The following ZFAND3 variants were observed in gnomAD, a reference collection of about 807,000 sequenced individuals.
ZFAND3 encodes the protein AN1-type zinc finger protein 3.
Under a neutral mutation model 29.6 loss-of-function variants are expected in ZFAND3, and 10 were observed. The observed-to-expected ratio is 0.34, with a 90% CI of 0.21 to 0.57. The LOEUF (loss-of-function observed/expected upper bound fraction) is 0.57. Among genes scored for constraint, ZFAND3 ranks in the 20% least tolerant of loss-of-function variants. ZFAND3 has a pLI of 0.86. For missense variants in ZFAND3, 230 were observed against 304.5 expected, an observed-to-expected ratio of 0.76 and a Z score of 1.82; for synonymous variants, 128 against 112.6, an observed-to-expected ratio of 1.14 and a Z score of -0.87.
At chr6:38,044,729 G>GA (rs1338439052) in intron 2 of ZFAND3, among the ~76,000 whole-genome samples, 1 of 152,158 alleles carries the variant, frequency 6.6e-6, no homozygotes, top group Non-Finnish European at 1.5e-5. Context: ...AGAGCTAAGC[G>GA]AAATGGTAAA....
At chr6:38,043,797 C>A (rs1186019760) in intron 2 of ZFAND3, among the ~76,000 whole-genome samples, 1 of 147,396 alleles carries the variant, frequency 6.8e-6, no homozygotes, top group Admixed American at 6.8e-5. Context: ...TGCTTGCTCG[C>A]TTGCTTATTT....
chr6:38,097,127 G>C (rs1461251280), intron 4 of ZFAND3, among the ~76,000 whole-genome samples: 1 of 152,112 alleles, frequency 6.6e-6, no homozygotes, highest in Non-Finnish European at 1.5e-5. Context: ...CTAGTCTGGA[G>C]TGCAGTGGCG....
intron 2 of ZFAND3, among the ~76,000 whole-genome samples, chr6:38,055,779 C>G (rs1470408169): frequency 6.6e-6 from 1 of 152,056 alleles, no homozygotes; most frequent in Admixed American, 6.6e-5. Context: ...TTAGAAATGC[C>G]GACCCACATG....
At chr6:37,838,383 G>A (rs1362566408) in intron 1 of ZFAND3, among the ~76,000 whole-genome samples, 1 of 152,082 alleles carries the variant, frequency 6.6e-6, no homozygotes, top group Non-Finnish European at 1.5e-5. Flanking sequence ...TCTTCACAAA[G>A]TTATGCAACC....
At chr6:37,889,025 C>G (rs1027897069) in intron 1 of ZFAND3, among the ~76,000 whole-genome samples, 1 of 152,160 alleles carries the variant, frequency 6.6e-6, no homozygotes, top group African/African-American at 2.4e-5. Context: ...TTGAGTAACA[C>G]AAGCATAAAC....
chr6:37,848,733 TTAAAAA>T (rs1186859857), intron 1 of ZFAND3, among the ~76,000 whole-genome samples: 1 of 152,214 alleles, frequency 6.6e-6, no homozygotes, highest in African/African-American at 2.4e-5. Flanking sequence ...GAAGTTATGT[TTAAAAA>T]GAAAAAACTT....
intron 2 of ZFAND3, among the ~76,000 whole-genome samples, chr6:37,996,631 G>T (rs1413407139): frequency 6.6e-6 from 1 of 152,060 alleles, no homozygotes; most frequent in Admixed American, 6.6e-5. Flanking sequence ...AAAATGAAGG[G>T]ATACATTAAC....
At chr6:38,129,453 T>C (rs1468562675) in intron 5 of ZFAND3, among the ~76,000 whole-genome samples, 1 of 152,224 alleles carries the variant, frequency 6.6e-6, no homozygotes, top group Non-Finnish European at 1.5e-5. Flanking sequence ...TTTTTAGTTT[T>C]AGGTCTTAGA....
At chr6:38,044,780 AAGATATTTTTGCG>A (rs1357154085) in intron 2 of ZFAND3, among the ~76,000 whole-genome samples, 1 of 152,162 alleles carries the variant, frequency 6.6e-6, no homozygotes, top group Non-Finnish European at 1.5e-5. Flanking sequence ...GTTTGTGCGG[AAGATATTTTTGCG>A]AAGATGCAAA....
chr6:38,036,405 G>A (rs991162997), intron 2 of ZFAND3, among the ~76,000 whole-genome samples: 1 of 152,146 alleles, frequency 6.6e-6, no homozygotes, highest in Non-Finnish European at 1.5e-5. Flanking sequence ...TAGGAGAGGA[G>A]GATAGAGGGT....
At chr6:38,030,334 T>C (rs1424359214) in intron 2 of ZFAND3, among the ~76,000 whole-genome samples, 2 of 151,882 alleles carry the variant, frequency 1.3e-5, no homozygotes, top group African/African-American at 2.4e-5. Flanking sequence ...GCTGTAAATA[T>C]ATGCATATAT....
chr6:38,016,385 A>G (rs1401937839), intron 2 of ZFAND3, among the ~76,000 whole-genome samples: 1 of 152,228 alleles, frequency 6.6e-6, no homozygotes, highest in African/African-American at 2.4e-5. Flanking sequence ...TTACAAATAC[A>G]ATATCGCTTC....
chr6:38,111,312 C>T (rs543435927), intron 4 of ZFAND3, among the ~76,000 whole-genome samples: 7 of 152,240 alleles, frequency 4.6e-5, no homozygotes, highest in South Asian at 4.1e-4. Context: ...ATGATTGTGT[C>T]GTACTGAACA....
At chr6:38,091,064 A>G (rs1449889963) in intron 4 of ZFAND3, among the ~76,000 whole-genome samples, 1 of 152,220 alleles carries the variant, frequency 6.6e-6, no homozygotes, top group Non-Finnish European at 1.5e-5. Flanking sequence ...GCTGAACATA[A>G]GTGAATAAGT....
intron 2 of ZFAND3, among the ~76,000 whole-genome samples, chr6:37,942,010 A>G (rs1761819228): frequency 1.3e-5 from 2 of 151,526 alleles, no homozygotes; most frequent in Admixed American, 1.3e-4. Context: ...TCTGTCCCAT[A>G]CTCCTGAGCT....
chr6:37,904,504 A>G (rs750576964), intron 1 of ZFAND3, among the ~76,000 whole-genome samples: 4 of 152,310 alleles, frequency 2.6e-5, no homozygotes, highest in Admixed American at 6.5e-5. Flanking sequence ...TCTCAGCCCA[A>G]TGAAAATGTG....
chr6:38,085,331 G>A (rs1173322612), intron 4 of ZFAND3, among the ~76,000 whole-genome samples: 1 of 152,162 alleles, frequency 6.6e-6, no homozygotes, highest in African/African-American at 2.4e-5. Context: ...GACCTTAAGT[G>A]AGATCTTACC....
chr6:37,948,656 T>TATCC (rs561516000), intron 2 of ZFAND3, among the ~76,000 whole-genome samples: 189 of 152,358 alleles, frequency 1.2e-3, no homozygotes, highest in African/African-American at 4.1e-3. Flanking sequence ...ATTTGCCTTG[T>TATCC]ATCCATGTGT....
chr6:38,063,394 C>G (rs924206687), intron 3 of ZFAND3, among the ~76,000 whole-genome samples: 1 of 152,088 alleles, frequency 6.6e-6, no homozygotes, highest in Non-Finnish European at 1.5e-5. Flanking sequence ...GTCTGGAGAC[C>G]AGGAATGCTG....
Sources: gnomAD v4.1 joint callset for allele counts (sites outside exome capture counted in the v4.1 genomes callset) on GRCh38, gnomAD v4.1.1 for gene constraint, MANE v1.5 for transcripts, NCBI Gene and HGNC (gene_info 2026-07-23, HGNC 2026-07-21) for gene names.